Variants in OVCH1 observed in about 807,000 individuals in gnomAD.
The protein encoded by OVCH1 is ovochymase 1.
In OVCH1, 139 loss-of-function variants were observed where a neutral mutation model predicts 138.4. That is an observed-to-expected ratio of 1.00 (90% CI 0.87 to 1.16). The LOEUF is 1.16. Ranked by LOEUF, OVCH1 falls within the 50% of genes most tolerant of loss-of-function variation. The pLI is 0.00. For synonymous variants in OVCH1, 453 were observed against 467.8 expected (o/e 0.97, Z 0.41); for missense variants, 1,367 against 1,357.9 (o/e 1.01, Z -0.11).
At chr12:29,479,130 AAATT>A (rs765814231) in intron 8 of OVCH1, among the ~76,000 whole-genome samples, 162 bp from the exon 10 acceptor site, 6 of 152,240 alleles carry the variant, frequency 3.9e-5, no homozygotes, top group Non-Finnish European at 7.3e-5. Flanking sequence ...ATTCGTGCTC[AAATT>A]AATAACATTT....
chr12:29,485,969 AAAATAAATAAAT>A (rs60243865), intron 8 of OVCH1, among the ~76,000 whole-genome samples: 5,409 of 136,302 alleles, frequency 0.04, 214 homozygotes, highest in African/African-American at 0.11. Context: ...AAAATAAAAT[AAAATAAATAAAT>A]AAATAAATAA....
At chr12:29,464,134 A>G (rs1349761091) in intron 18 of OVCH1, among the ~76,000 whole-genome samples, 1 of 152,188 alleles carries the variant, frequency 6.6e-6, no homozygotes, top group East Asian at 1.9e-4. Context: ...TTTAAATTTT[A>G]TAAATTAAGT....
exon 4 of OVCH1, chr12:29,495,289 C>A: frequency 6.2e-7 from 1 of 1,608,682 alleles, no homozygotes; most frequent in Non-Finnish European, 8.5e-7. Flanking sequence ...ACTCACCAAA[C>A]TTGACTTTGT....
At chr12:29,406,310 ATTTATT>A in the OVCH1 span, among the ~76,000 whole-genome samples, 1 of 152,030 alleles carries the variant, frequency 6.6e-6, no homozygotes, top group African/African-American at 2.4e-5. Context: ...TTATTTATTT[ATTTATT>A]TTTATTATTA....
chr12:29,483,115 G>A (rs1488781071), intron 8 of OVCH1, among the ~76,000 whole-genome samples: 3 of 151,938 alleles, frequency 2.0e-5, no homozygotes, highest in East Asian at 1.9e-4. Flanking sequence ...GTCTTCTTTG[G>A]ATCAAAAAAT....
chr12:29,451,358 C>G, exon 22 of OVCH1: 1 of 1,612,396 alleles, frequency 6.2e-7, no homozygotes, highest in Non-Finnish European at 8.5e-7. Context: ...CCGTCTTTCT[C>G]TTACTGTGTC....
At chr12:29,442,085 C>G (rs1941499776) in intron 25 of OVCH1, among the ~76,000 whole-genome samples, 2 of 150,890 alleles carry the variant, frequency 1.3e-5, no homozygotes, top group African/African-American at 2.4e-5. Flanking sequence ...GGATCTAGAA[C>G]TAGAAATACC....
At chr12:29,447,694 A>C (rs11613143) in intron 22 of OVCH1, among the ~76,000 whole-genome samples, 46,595 of 151,808 alleles carry the variant, frequency 0.31, 8,568 homozygotes, top group Middle Eastern at 0.51. Context: ...GGAATGGATG[A>C]TGCTGCTTTC....
downstream of OVCH1, among the ~76,000 whole-genome samples, chr12:29,424,482 G>C (rs1250623790): frequency 6.6e-6 from 1 of 152,182 alleles, no homozygotes; most frequent in Non-Finnish European, 1.5e-5. Flanking sequence ...CTGTTACTCT[G>C]TTTTTCAAAA....
chr12:29,457,108 T>C (rs1218894934), intron 19 of OVCH1, among the ~76,000 whole-genome samples: 1 of 152,246 alleles, frequency 6.6e-6, no homozygotes, highest in Non-Finnish European at 1.5e-5. Flanking sequence ...TAGTCTGTAA[T>C]GTAGAACAAT....
chr12:29,445,230 A>G (rs1565574997), intron 23 of OVCH1, 48 bp downstream of exon 23: 20 of 1,517,698 alleles, frequency 1.3e-5, no homozygotes, highest in Non-Finnish European at 1.8e-5. Context: ...AAATAGAGTA[A>G]TATTGATTTC....
intron 3 of OVCH1, 146 bp downstream of exon 3, chr12:29,496,034 TG>T: frequency 1.5e-6 from 1 of 659,788 alleles, no homozygotes; most frequent in Non-Finnish European, 2.6e-6. Context: ...CACACATTTC[TG>T]GGAATCAGGA....
At chr12:29,478,881 A>C in exon 9 of OVCH1, 1 of 1,588,582 alleles carries the variant, frequency 6.3e-7, no homozygotes, top group South Asian at 1.2e-5. Flanking sequence ...AGTCATGATC[A>C]CATCCAACTT....
chr12:29,419,487 G>A (rs1941074580), intron 3 of OVCH1, among the ~76,000 whole-genome samples: 1 of 151,476 alleles, frequency 6.6e-6, no homozygotes, highest in Admixed American at 6.6e-5. Context: ...GTAGAGACAG[G>A]GTTTCACCGT....
At chr12:29,403,960 G>T in the OVCH1 span, among the ~76,000 whole-genome samples, 1 of 152,202 alleles carries the variant, frequency 6.6e-6, no homozygotes, top group South Asian at 2.1e-4. Flanking sequence ...CAAACTGTAA[G>T]TTCCCAGGAG....
At chr12:29,423,128 A>G (rs1182997843), downstream of OVCH1, 3 of 427,978 alleles carry the variant, frequency 7.0e-6, no homozygotes, top group African/African-American at 6.2e-5. Flanking sequence ...ATTACTTACC[A>G]CTGATAGGAA....
intron 14 of OVCH1, among the ~76,000 whole-genome samples, chr12:29,474,440 C>T (rs1406021455): frequency 6.6e-6 from 1 of 152,140 alleles, no homozygotes; most frequent in Non-Finnish European, 1.5e-5. Context: ...TGAGATAATG[C>T]ATGTGAAATG....
chr12:29,440,820 G>T (rs1941465658), intron 25 of OVCH1, 76 bp from the exon 26 acceptor site: 6 of 439,712 alleles, frequency 1.4e-5, no homozygotes, highest in South Asian at 9.5e-5. Flanking sequence ...AAAAAAGACA[G>T]CAGTTTAGCA....
intron 3 of OVCH1, among the ~76,000 whole-genome samples, chr12:29,419,452 TA>T (rs1244835787): frequency 1.2e-4 from 1 of 8,264 alleles, no homozygotes; most frequent in Non-Finnish European, 3.5e-4. Flanking sequence ...CATGCCCGGC[TA>T]ATTTTTTTTT....
Sources: gnomAD v4.1 joint callset for allele counts (sites outside exome capture counted in the v4.1 genomes callset) on GRCh38, gnomAD v4.1.1 for gene constraint, MANE v1.5 for transcripts, NCBI Gene and HGNC (gene_info 2026-07-23, HGNC 2026-07-21) for gene names.